LARP4: variants seen among roughly 807,000 people sequenced by gnomAD.
The protein encoded by LARP4 is La ribonucleoprotein 4.
LARP4 carries 29 observed loss-of-function variants against 92.9 expected under a neutral mutation model. The ratio of observed to expected loss-of-function variants is 0.31; its 90% CI spans 0.23 to 0.43. LARP4 has a LOEUF of 0.43. LARP4 is among the 20% of genes least tolerant of loss of function. The probability of loss-of-function intolerance (pLI) is 1.00; values close to 1 mark genes in which losing one functional copy is unlikely to be tolerated. For missense variants in LARP4, 732 were observed against 860.0 expected, an observed-to-expected ratio of 0.85 and a Z score of 1.86; for synonymous variants, 279 against 284.1, an observed-to-expected ratio of 0.98 and a Z score of 0.18.
intron 14 of LARP4, 60 bp downstream of exon 14, chr12:50,473,596 T>C (rs1247671742): frequency 7.0e-6 from 11 of 1,560,834 alleles, no homozygotes; most frequent in Non-Finnish European, 9.6e-6. Flanking sequence ...CCGGGTGTGG[T>C]GGCTCTCACC....
At chr12:50,467,173 T>C in intron 13 of LARP4, 53 bp downstream of exon 13, 2 of 1,414,368 alleles carry the variant, frequency 1.4e-6, no homozygotes, top group Admixed American at 2.0e-5. Context: ...TAGGCTTTAT[T>C]TGCAGTGTTG....
intron 1 of LARP4, chr12:50,412,532 T>G: frequency 2.2e-6 from 1 of 444,850 alleles, no homozygotes; most frequent in Non-Finnish European, 3.0e-6. Context: ...TAACTCATGG[T>G]TCTGTTACCT....
intron 10 of LARP4, among the ~76,000 whole-genome samples, chr12:50,458,744 C>T (rs577716886): frequency 1.8e-4 from 28 of 152,270 alleles, no homozygotes; most frequent in African/African-American, 5.5e-4. Context: ...GATTAAACTA[C>T]ATTCTTTTTA....
At chr12:50,463,418 TC>T (rs1160477553) in intron 12 of LARP4, among the ~76,000 whole-genome samples, 749 of 32,212 alleles carry the variant, frequency 0.023, 18 homozygotes, top group Non-Finnish European at 0.039. Context: ...ACCCCATCTC[TC>T]CAAAAAAAAA....
chr12:50,421,666 A>G (rs1246496899), intron 1 of LARP4, among the ~76,000 whole-genome samples: 1 of 150,950 alleles, frequency 6.6e-6, no homozygotes, highest in Non-Finnish European at 1.5e-5. Context: ...AAATAAATAA[A>G]TAAATAAATA....
At chr12:50,470,256 T>TTTAGTTTAAG (rs1956770729) in intron 13 of LARP4, among the ~76,000 whole-genome samples, 1 of 152,064 alleles carries the variant, frequency 6.6e-6, no homozygotes, top group Non-Finnish European at 1.5e-5. Flanking sequence ...CAGAAGCTAT[T>TTTAGTTTAAG]TTAGTTTAAG....
chr12:50,413,653 A>G (rs1946288430), intron 1 of LARP4, among the ~76,000 whole-genome samples: 1 of 152,208 alleles, frequency 6.6e-6, no homozygotes, highest in African/African-American at 2.4e-5. Flanking sequence ...ACTGTTGTAC[A>G]TGCAGTTTGT....
At chr12:50,425,018 G>A (rs1948494312) in intron 1 of LARP4, among the ~76,000 whole-genome samples, 1 of 151,978 alleles carries the variant, frequency 6.6e-6, no homozygotes, top group Non-Finnish European at 1.5e-5. Context: ...GTGGTGCCGG[G>A]CACCTGTAAT....
intron 1 of LARP4, among the ~76,000 whole-genome samples, chr12:50,413,039 TG>T (rs1192165202): frequency 1.3e-5 from 2 of 151,794 alleles, no homozygotes; most frequent in East Asian, 3.9e-4. Context: ...ATGACCAACA[TG>T]GTGAAACCCC....
intron 8 of LARP4, among the ~76,000 whole-genome samples, chr12:50,441,974 C>T (rs1026668062): frequency 1.1e-4 from 16 of 152,162 alleles, no homozygotes; most frequent in South Asian, 4.1e-4. Context: ...TGCTTTAACC[C>T]GGGAGGCGTA....
chr12:50,475,926 T>C lies in LARP4; in HGVS notation c.*62T>C. The C allele has an allele frequency of 2.1e-6, 3 of 1,406,828 alleles. No homozygotes were observed. Among genetic ancestry groups the C allele is most frequent in the Non-Finnish European group, 2.0e-6 (2 of 1,017,070 alleles). The allele number at this position is 1,406,828 out of a possible 1,614,324, so 87.1% of individuals were successfully genotyped here. Reference sequence around the variant, plus strand: ...CCATTAAACTTGAACTGTGGCTATATTGAACTGTTTTGGAGGGGAGGGGGT... The same window carrying C: ...CCATTAAACTTGAACTGTGGCTATACTGAACTGTTTTGGAGGGGAGGGGGT... On this transcript the variant is annotated 3_prime_UTR_variant, in exon 16 of 16. Transcript: ENST00000398473.
Position 50,454,418 on chromosome 12 carries a change from G to A in LARP4, c.1121+1G>A. 6.2e-7 allele frequency: 1 copy of A among 1,605,030 alleles called. No homozygotes were observed. Among genetic ancestry groups the A allele is most frequent in the Non-Finnish European group, 8.5e-7 (1 of 1,173,304 alleles). On this transcript the variant is annotated splice_donor_variant, in intron 10 of 15. Coordinates refer to ENST00000398473, the MANE Select transcript of LARP4 (RefSeq NM_052879.5). LOFTEE classifies it high-confidence loss of function. ...TGGGTCGACCATTCCAAAAAAATCGGTAAGATAAAAACCATAGCTGTAATG... is the reference window on the plus strand; with the variant it reads ...TGGGTCGACCATTCCAAAAAAATCGATAAGATAAAAACCATAGCTGTAATG...
chr12:50,451,056 G>A (rs573071870), intron 8 of LARP4, among the ~76,000 whole-genome samples: 92 of 152,200 alleles, frequency 6.0e-4, no homozygotes, highest in African/African-American at 2.2e-3. Context: ...AGTTATTCTA[G>A]TTGGCAAATC....
In LARP4 at chr12:50,462,458, C is replaced by CAGAGCG. The variant is rs1343973547; in HGVS notation, c.1335-120_1335-115dup. On this transcript the variant is annotated intron_variant, in intron 11 of 15. Transcript: ENST00000398473. ...GCGCCACTGCACTCCAGCCTGGCGA[C>CAGAGCG]AGAGCGAGACTCCATCTCAAAAAAA... 6 of 629,382 alleles carry CAGAGCG rather than the reference C, an allele frequency of 9.5e-6. 1 individual carries two copies. In the African/African-American group the frequency reaches 1.3e-4, roughly 14 times the overall value. 39.0% of individuals were successfully genotyped at this position (629,382 alleles called of 1,614,324 possible). A position where few individuals can be genotyped will look rare whatever the true frequency, so the allele number is the denominator to read the frequency against.
intron 12 of LARP4, 64 bp from the exon 13 acceptor site, chr12:50,466,895 T>A: frequency 6.8e-7 from 1 of 1,468,018 alleles, no homozygotes; most frequent in South Asian, 1.3e-5. Context: ...CCTTTCAGCT[T>A]CTGTGACACA....
In LARP4 at chr12:50,423,552, G is replaced by A. The variant is rs573370974; in HGVS notation, c.19-4210G>A. ...CAACCTCCACCTTCAGGGTTCCAGC[G>A]ATTCTCCTGCCTCAGCCTCCAGAGT... is the stretch of plus-strand genomic sequence containing the variant. On this transcript the variant is annotated intron_variant, in intron 1 of 15. Coordinates refer to ENST00000398473, the MANE Select transcript of LARP4 (RefSeq NM_052879.5). Among the ~76,000 whole-genome samples the A allele has an allele frequency of 3.3e-5, 5 of 152,162 alleles. No individual in the cohort carries two copies. The East Asian group carries it at 5.8e-4, about 18-fold the overall frequency.
At chr12:50,436,316 C>T (rs1487115457) in intron 5 of LARP4, among the ~76,000 whole-genome samples, 1 of 151,956 alleles carries the variant, frequency 6.6e-6, no homozygotes, top group East Asian at 1.9e-4. Flanking sequence ...CACCCCCGGC[C>T]TATATACAGC....
chr12:50,427,674 TTAAG>T (rs1949002469), intron 1 of LARP4, 84 bp from the exon 2 acceptor site: 1 of 777,144 alleles, frequency 1.3e-6, no homozygotes, highest in East Asian at 2.8e-5. Flanking sequence ...TCCCCCACTT[TTAAG>T]TAATGGAAAA....
At chr12:50,421,774 G>C (rs1028703266) in intron 1 of LARP4, among the ~76,000 whole-genome samples, 3 of 152,066 alleles carry the variant, frequency 2.0e-5, no homozygotes, top group Non-Finnish European at 4.4e-5. Context: ...ACATGCTTAG[G>C]TACTTCTTGC....
Sources: gnomAD v4.1 joint callset for allele counts (sites outside exome capture counted in the v4.1 genomes callset) on GRCh38, gnomAD v4.1.1 for gene constraint, MANE v1.5 for transcripts, NCBI Gene and HGNC (gene_info 2026-07-23, HGNC 2026-07-21) for gene names.